The following MTRF1 variants were observed in gnomAD, a reference collection of about 807,000 sequenced individuals.
The protein encoded by MTRF1 is mitochondrial translation release factor 1.
A neutral mutation model predicts 62.9 loss-of-function variants in MTRF1; 51 were observed. That is an observed-to-expected ratio of 0.81 (90% CI 0.65 to 1.02). The LOEUF is 1.02. Among genes scored for constraint, MTRF1 ranks in the 50% least tolerant of loss-of-function variants. The probability of loss-of-function intolerance (pLI) is 0.00; values close to 1 mark genes in which losing one functional copy is unlikely to be tolerated. For missense variants in MTRF1, 446 were observed against 530.0 expected (o/e 0.84, Z 1.56); for synonymous variants, 158 against 181.9 (o/e 0.87, Z 1.06).
At chr13:41,266,006 C>A (rs941109562), upstream of MTRF1, among the ~76,000 whole-genome samples, 1 of 152,054 alleles carries the variant, frequency 6.6e-6, no homozygotes. Context: ...CACACCACCA[C>A]GCCCAGCTAA....
At chr13:41,286,430 C>T in the MTRF1 span, among the ~76,000 whole-genome samples, 43 of 152,262 alleles carry the variant, frequency 2.8e-4, no homozygotes, top group African/African-American at 9.1e-4. Flanking sequence ...CTGTCAACAC[C>T]GGATGATTTT....
chr13:41,253,037 T>TA lies in MTRF1; in HGVS notation c.508-8dup. On this transcript the variant is annotated splice_polypyrimidine_tract_variant and splice_region_variant and intron_variant, in intron 3 of 9. Transcript: ENST00000379480. ...GCACAAGGCTCTGGAAAAGCTGGAA[T>TA]AAAAATCAGCATTTGTGTGTATATT... 3 of 1,588,012 alleles carry TA rather than the reference T, an allele frequency of 1.9e-6. No individual in the cohort carries two copies. The highest frequency in any genetic ancestry group is 1.1e-5 in the South Asian group (1 of 87,176).
chr13:41,297,633 T>C, the MTRF1 span, among the ~76,000 whole-genome samples: 1 of 151,962 alleles, frequency 6.6e-6, no homozygotes, highest in Non-Finnish European at 1.5e-5. Flanking sequence ...TGGAGTGCAG[T>C]GGCACTATCT....
At chr13:41,257,071 G>T (rs1357114545) in intron 2 of MTRF1, among the ~76,000 whole-genome samples, 1 of 151,936 alleles carries the variant, frequency 6.6e-6, no homozygotes, top group Non-Finnish European at 1.5e-5. Flanking sequence ...TTTTAACAAG[G>T]TGAACCAGGC....
At chr13:41,257,067 C>T (rs1594027064) in intron 2 of MTRF1, among the ~76,000 whole-genome samples, 1 of 152,172 alleles carries the variant, frequency 6.6e-6, no homozygotes, top group East Asian at 1.9e-4. Context: ...TGGCTTTTAA[C>T]AAGGTGAACC....
At chr13:41,273,705 T>C in the MTRF1 span, among the ~76,000 whole-genome samples, 6 of 152,128 alleles carry the variant, frequency 3.9e-5, no homozygotes, top group African/African-American at 1.4e-4. Context: ...AGCGTGGTGG[T>C]GCACACCTGC....
At chr13:41,274,580 C>T in the MTRF1 span, among the ~76,000 whole-genome samples, 6 of 151,984 alleles carry the variant, frequency 3.9e-5, no homozygotes, top group African/African-American at 1.5e-4. Context: ...CCTGTTTGCC[C>T]TAGAATACTT....
Position 41,240,289 on chromosome 13 carries a change from G to C in MTRF1, c.842C>G (p.Ser281Trp). ...ATCTGGCTGAGGAAGGACAATAACCGACATCGTTCCTGTGTGAATGCGCTG... is the reference window on the plus strand; with the variant it reads ...ATCTGGCTGAGGAAGGACAATAACCCACATCGTTCCTGTGTGAATGCGCTG... ...RMQRIHTGTMSVIVLPQPDEV... is the reference protein window; with the variant it reads ...RMQRIHTGTMWVIVLPQPDEV... Residue 281 changes from serine (S) to tryptophan (W), a missense_variant, in exon 6 of 10, where the codon TCG (serine) becomes TGG (tryptophan). Ser to Trp is a radical substitution (Grantham distance 177). Transcript: ENST00000379480. 1 of 1,610,560 alleles carries C rather than the reference G, an allele frequency of 6.2e-7. No individual in the cohort carries two copies. The highest frequency in any genetic ancestry group is 1.3e-5 in the African/African-American group (1 of 74,852).
At chr13:41,244,893 T>C (rs1235989395) in intron 5 of MTRF1, among the ~76,000 whole-genome samples, 2 of 152,174 alleles carry the variant, frequency 1.3e-5, no homozygotes, top group African/African-American at 2.4e-5. Flanking sequence ...AATTGTGAGA[T>C]AAAAAATGTT....
At chr13:41,311,048 G>A in the MTRF1 span, among the ~76,000 whole-genome samples, 3 of 152,228 alleles carry the variant, frequency 2.0e-5, no homozygotes, top group Non-Finnish European at 2.9e-5. Flanking sequence ...GGTGAATGAG[G>A]GTGGTGACTC....
chr13:41,250,182 TC>T (rs2139073413), intron 5 of MTRF1, among the ~76,000 whole-genome samples: 1 of 152,274 alleles, frequency 6.6e-6, no homozygotes, highest in South Asian at 2.1e-4. Flanking sequence ...TCTACTACTC[TC>T]CTTTTCATAA....
intron 8 of MTRF1, among the ~76,000 whole-genome samples, chr13:41,225,028 A>G (rs1306285011): frequency 6.6e-6 from 1 of 152,048 alleles, no homozygotes; most frequent in Non-Finnish European, 1.5e-5. Context: ...CCTGGCCAAC[A>G]TGACAAAAAC....
chr13:41,269,185 G>GTTTTTTTTTTTTTTTTGTTTTTTTTTTTT, the MTRF1 span, among the ~76,000 whole-genome samples: 10 of 96,458 alleles, frequency 1.0e-4, no homozygotes, highest in South Asian at 3.4e-4. Context: ...CTTTTACCTT[G>GTTTTTTTTTTTTTTTTGTTTTTTTTTTTT]TTTTTTTTTT....
upstream of MTRF1, among the ~76,000 whole-genome samples, chr13:41,267,329 A>C (rs530327849): frequency 6.6e-6 from 1 of 152,290 alleles, no homozygotes; most frequent in South Asian, 2.1e-4. Context: ...TGTTTTTGGC[A>C]AAACTACTTC....
chr13:41,223,558 G>GT (rs2033826690), intron 8 of MTRF1, among the ~76,000 whole-genome samples: 1 of 149,866 alleles, frequency 6.7e-6, no homozygotes, highest in Admixed American at 6.6e-5. Context: ...AAGAAGGAAT[G>GT]TTTCTTTGAT....
At chr13:41,299,731 A>G in the MTRF1 span, among the ~76,000 whole-genome samples, 1 of 152,086 alleles carries the variant, frequency 6.6e-6, no homozygotes, top group Non-Finnish European at 1.5e-5. Flanking sequence ...CCAGTTTTAA[A>G]GACTTTTTTT....
the MTRF1 span, chr13:41,311,567 C>T: frequency 6.2e-6 from 10 of 1,608,634 alleles, no homozygotes; most frequent in African/African-American, 2.7e-5. Flanking sequence ...AGAGCAACCT[C>T]TTCAAACGCA....
chr13:41,253,590 G>C (rs1037348709), intron 3 of MTRF1, among the ~76,000 whole-genome samples: 1 of 152,128 alleles, frequency 6.6e-6, no homozygotes, highest in Non-Finnish European at 1.5e-5. Flanking sequence ...GAAAGTAACC[G>C]ACATTCCTCT....
chr13:41,263,334 G>T, intron 1 of MTRF1, 151 bp downstream of exon 1: 1 of 1,288,488 alleles, frequency 7.8e-7, no homozygotes, highest in Non-Finnish European at 1.0e-6. Flanking sequence ...CTGATGCTTT[G>T]GGGAAAGTTC....
Sources: allele counts gnomAD v4.1 joint callset (sites outside exome capture counted in the v4.1 genomes callset), GRCh38; gene constraint gnomAD v4.1.1; transcripts MANE v1.5; gene names NCBI Gene and HGNC (gene_info 2026-07-23, HGNC 2026-07-21).